Variants in DCUN1D4 observed in about 807,000 individuals in gnomAD.
DCUN1D4 encodes DCN1-like protein 4.
A neutral mutation model predicts 47.9 loss-of-function variants in DCUN1D4; 22 were observed. The ratio of observed to expected loss-of-function variants is 0.46; its 90% CI spans 0.33 to 0.66. DCUN1D4 has a LOEUF of 0.66. DCUN1D4 is among the 30% of genes least tolerant of loss of function. The pLI is 0.02. For missense variants in DCUN1D4, 301 were observed against 340.8 expected, an observed-to-expected ratio of 0.88 and a Z score of 0.92; for synonymous variants, 121 against 112.2, an observed-to-expected ratio of 1.08 and a Z score of -0.50.
intron 8 of DCUN1D4, among the ~76,000 whole-genome samples, chr4:51,899,966 A>G (rs1158596201): frequency 6.6e-6 from 1 of 152,194 alleles, no homozygotes; most frequent in Non-Finnish European, 1.5e-5. Flanking sequence ...TTTTCAGCCT[A>G]GTCACCATAC....
chr4:51,880,666 C>T (rs1037954195), intron 5 of DCUN1D4, among the ~76,000 whole-genome samples: 1 of 152,144 alleles, frequency 6.6e-6, no homozygotes, highest in African/African-American at 2.4e-5. Context: ...AATGAATAAA[C>T]CCTTCTTCGC....
upstream of DCUN1D4, among the ~76,000 whole-genome samples, chr4:51,842,815 C>T (rs1721807317): frequency 6.6e-6 from 1 of 152,224 alleles, no homozygotes; most frequent in Non-Finnish European, 1.5e-5. Flanking sequence ...CCAGCTCCAC[C>T]AATCCCGCCC....
At chr4:51,861,693 TG>T (rs1725069572) in intron 1 of DCUN1D4, among the ~76,000 whole-genome samples, 1 of 152,178 alleles carries the variant, frequency 6.6e-6, no homozygotes, top group South Asian at 2.1e-4. Flanking sequence ...TTTTGCTTTT[TG>T]TTTTTTTGGG....
chr4:51,869,751 A>G (rs1382948373), intron 3 of DCUN1D4, among the ~76,000 whole-genome samples: 2 of 152,226 alleles, frequency 1.3e-5, no homozygotes, highest in Non-Finnish European at 2.9e-5. Flanking sequence ...TGCCCTTTAA[A>G]ATGGACTTTC....
At chr4:51,883,969 C>T (rs1425963500) in intron 5 of DCUN1D4, among the ~76,000 whole-genome samples, 1 of 148,034 alleles carries the variant, frequency 6.8e-6, no homozygotes, top group Non-Finnish European at 1.5e-5. Flanking sequence ...GATAAGAAAA[C>T]TAGGAATATA....
intron 4 of DCUN1D4, 193 bp downstream of exon 4, chr4:51,874,578 G>T (rs1238472050): frequency 1.1e-5 from 5 of 442,862 alleles, no homozygotes; most frequent in Non-Finnish European, 1.6e-5. Flanking sequence ...AACAAATTAG[G>T]TAATTTGAAT....
chr4:51,908,545 C>A (rs929775775), intron 8 of DCUN1D4, among the ~76,000 whole-genome samples: 2 of 152,018 alleles, frequency 1.3e-5, no homozygotes, highest in African/African-American at 4.8e-5. Flanking sequence ...ATTTTAATTT[C>A]TTACAAAGAG....
In DCUN1D4 at chr4:51,848,291, TTGTGAA is replaced by T. The variant is rs1428299780; in HGVS notation, c.25+5029_25+5034del. The T allele has an allele frequency of 1.1e-4, 137 of 1,289,026 alleles. No homozygotes were observed. In the Admixed American group the frequency reaches 2.5e-3, roughly 24 times the overall value. The allele number at this position is 1,289,026 out of a possible 1,614,324, so 79.8% of individuals were successfully genotyped here. On this transcript the variant is annotated intron_variant, in intron 1 of 10. Coordinates refer to ENST00000334635, the MANE Select transcript of DCUN1D4 (RefSeq NM_001040402.3). ...TGTGCTGAGGGAACAGAAGGAGTGT[TTGTGAA>T]TGTGCACACGTCCGTTTCTGGTCTC...
In DCUN1D4 at chr4:51,863,638, T is replaced by C. The variant is rs187376469; in HGVS notation, c.97-32T>C. 27 of 1,610,464 alleles carry C rather than the reference T, an allele frequency of 1.7e-5. No homozygotes were observed. In the African/African-American group the frequency reaches 2.4e-4, roughly 14 times the overall value. On this transcript the variant is annotated intron_variant, in intron 2 of 10. Transcript: ENST00000334635. ...TTATGAAAATGCTAACGGTATGTGA[T>C]TTCTTCGTAATAACGAACATATTTC...
chr4:51,861,884 T>G (rs995747527), intron 1 of DCUN1D4, among the ~76,000 whole-genome samples: 6 of 152,196 alleles, frequency 3.9e-5, no homozygotes, highest in Non-Finnish European at 8.8e-5. Context: ...GGCCTCTTGC[T>G]GGTGAGAGGG....
intron 5 of DCUN1D4, chr4:51,884,534 A>G (rs191562640): frequency 6.6e-6 from 1 of 152,290 alleles, no homozygotes; most frequent in Admixed American, 6.5e-5. Context: ...GTATAGGAGG[A>G]TTGTAGAGCG....
intron 4 of DCUN1D4, among the ~76,000 whole-genome samples, chr4:51,876,816 G>C (rs944104190): frequency 2.0e-5 from 3 of 151,524 alleles, no homozygotes; most frequent in African/African-American, 7.3e-5. Context: ...CATATACTGG[G>C]GAATTACCGA....
At chr4:51,843,363 A>C (rs1022574163) in intron 1 of DCUN1D4, 96 bp downstream of exon 1, 1 of 1,408,822 alleles carries the variant, frequency 7.1e-7, no homozygotes, top group Non-Finnish European at 9.3e-7. Context: ...TCGGGTCCCG[A>C]AACGCGCCGG....
At chr4:51,842,905 T>A (rs915741020), upstream of DCUN1D4, 2 of 446,682 alleles carry the variant, frequency 4.5e-6, no homozygotes, top group Non-Finnish European at 7.0e-6. Flanking sequence ...CCCCTGGGGG[T>A]GACTGACAGC....
chr4:51,886,426 C>G, intron 5 of DCUN1D4, 142 bp from the exon 6 acceptor site: 1 of 596,574 alleles, frequency 1.7e-6, no homozygotes, highest in East Asian at 3.0e-5. Context: ...TTCGAGAATA[C>G]TTTTCAACTT....
chr4:51,847,294 A>G (rs978088789), intron 1 of DCUN1D4, among the ~76,000 whole-genome samples: 1 of 152,220 alleles, frequency 6.6e-6, no homozygotes, highest in Non-Finnish European at 1.5e-5. Context: ...CCCTGTCAAG[A>G]GAAGAAAAAT....
chr4:51,837,503 G>T, the DCUN1D4 span, among the ~76,000 whole-genome samples: 2 of 151,678 alleles, frequency 1.3e-5, no homozygotes, highest in Non-Finnish European at 2.9e-5. Context: ...AAAATACAAA[G>T]AATTAGCCGG....
intron 1 of DCUN1D4, among the ~76,000 whole-genome samples, chr4:51,851,914 C>G (rs1312906068): frequency 1.3e-5 from 2 of 152,228 alleles, no homozygotes; most frequent in African/African-American, 4.8e-5. Flanking sequence ...AGCATTCTGA[C>G]TCCATGGTCT....
At chr4:51,862,814 G>A (rs973122146) in intron 1 of DCUN1D4, among the ~76,000 whole-genome samples, 1 of 151,660 alleles carries the variant, frequency 6.6e-6, no homozygotes, top group Non-Finnish European at 1.5e-5. Flanking sequence ...TTCAAGACCA[G>A]CCTGGGAAAC....
Sources: gnomAD v4.1 joint callset for allele counts (sites outside exome capture counted in the v4.1 genomes callset) on GRCh38, gnomAD v4.1.1 for gene constraint, MANE v1.5 for transcripts, NCBI Gene and HGNC (gene_info 2026-07-23, HGNC 2026-07-21) for gene names.